Variants in RANBP3L observed in about 807,000 individuals in gnomAD.
The protein encoded by RANBP3L is RAN binding protein 3 like, also known as ran-binding protein 3-like.
Under a neutral mutation model 67.2 loss-of-function variants are expected in RANBP3L, and 56 were observed. The observed-to-expected ratio is 0.83, with a 90% CI of 0.67 to 1.04. RANBP3L has a LOEUF of 1.04. Among genes scored for constraint, RANBP3L ranks in the 50% least tolerant of loss-of-function variants. The pLI is 0.00. For missense variants in RANBP3L, 496 were observed against 535.5 expected, an observed-to-expected ratio of 0.93 and a Z score of 0.73; for synonymous variants, 164 against 181.4, an observed-to-expected ratio of 0.90 and a Z score of 0.77.
At chr5:36,269,849 A>G (rs1362000372) in intron 3 of RANBP3L, 102 bp downstream of exon 3, 4 of 985,086 alleles carry the variant, frequency 4.1e-6, no homozygotes, top group African/African-American at 1.6e-5. Flanking sequence ...AAAAGAAAAA[A>G]CATTAACTTT....
rs1046284073 is a variant in RANBP3L, at chr5:36,255,044, C to T, written c.1024+426G>A. On this transcript the variant is annotated intron_variant, in intron 11 of 13. Transcript: ENST00000296604. ...GGACAAGTATTTTCTTTTAGAAGAT[C>T]TTTTCACTTCACAAAATAATTTGCA... Among the ~76,000 whole-genome samples, 3 of 152,180 alleles carry T rather than the reference C, an allele frequency of 2.0e-5. No homozygotes were observed. In the South Asian group the frequency reaches 6.2e-4, roughly 32 times the overall value.
At chr5:36,268,348 A>G in intron 4 of RANBP3L, 1 of 906,406 alleles carries the variant, frequency 1.1e-6, no homozygotes, top group Non-Finnish European at 1.6e-6. Context: ...CTGTTTTGGA[A>G]AAATTTCTGT....
intron 8 of RANBP3L, among the ~76,000 whole-genome samples, chr5:36,259,123 A>G (rs936604243): frequency 6.6e-6 from 1 of 152,236 alleles, no homozygotes; most frequent in Non-Finnish European, 1.5e-5. Flanking sequence ...ATGTGCCTAA[A>G]TATACTGCCT....
intron 1 of RANBP3L, among the ~76,000 whole-genome samples, chr5:36,290,071 G>A (rs1167721064): frequency 6.6e-6 from 1 of 152,086 alleles, no homozygotes; most frequent in African/African-American, 2.4e-5. Flanking sequence ...CAAATCCCTT[G>A]AGTTTTTATA....
At chr5:36,289,108 G>T (rs928085393) in intron 1 of RANBP3L, among the ~76,000 whole-genome samples, 1 of 151,888 alleles carries the variant, frequency 6.6e-6, no homozygotes, top group Non-Finnish European at 1.5e-5. Context: ...TGTGAGGTAG[G>T]TATTGTGGTT....
intron 1 of RANBP3L, among the ~76,000 whole-genome samples, chr5:36,294,899 ATGT>A (rs1196307129): frequency 6.7e-6 from 1 of 148,442 alleles, no homozygotes; most frequent in Admixed American, 6.8e-5. Flanking sequence ...ATATACATAT[ATGT>A]GTGTATATAT....
chr5:36,254,497 T>A (rs1295150873), intron 11 of RANBP3L, among the ~76,000 whole-genome samples: 1 of 152,062 alleles, frequency 6.6e-6, no homozygotes, highest in African/African-American at 2.4e-5. Context: ...TTTTTGTTTT[T>A]CTTTGGGGGT....
chr5:36,276,471 T>C (rs764404547), intron 1 of RANBP3L, among the ~76,000 whole-genome samples: 87 of 142,208 alleles, frequency 6.1e-4, no homozygotes, highest in Non-Finnish European at 1.2e-3. Context: ...GAAAATTAAA[T>C]TTTATCATAG....
chr5:36,287,573 A>G (rs941255338), intron 1 of RANBP3L, among the ~76,000 whole-genome samples: 2 of 152,222 alleles, frequency 1.3e-5, no homozygotes, highest in Non-Finnish European at 2.9e-5. Flanking sequence ...CTTTAAAACA[A>G]TACAACACTG....
rs1386599206 is a variant in RANBP3L at position 36,253,663 on chromosome 5, T to C, written c.1151A>G (p.Lys384Arg). ...TATDLEDYSI[K>R]IFLIQASAQD... Reference sequence around the variant, plus strand: ...CTCCCTTACCTGAATTAAAAATATTTTGATGCTATAGTCTTCTAAATCAGT... The same window carrying C: ...CTCCCTTACCTGAATTAAAAATATTCTGATGCTATAGTCTTCTAAATCAGT... Residue 384 changes from lysine (K) to arginine (R), a missense_variant, in exon 12 of 14, where the codon AAA becomes AGA. Physicochemically the swap from Lys to Arg is conservative, Grantham distance 26. Coordinates refer to ENST00000296604, the MANE Select transcript of RANBP3L (RefSeq NM_145000.5). 1 of 1,606,570 alleles carries C rather than the reference T, an allele frequency of 6.2e-7. No individual in the cohort carries two copies. The highest frequency in any genetic ancestry group is 1.7e-5 in the Admixed American group (1 of 59,908).
chr5:36,268,275 C>T (rs746699248), intron 4 of RANBP3L: 43 of 1,519,630 alleles, frequency 2.8e-5, no homozygotes, highest in Non-Finnish European at 3.5e-5. Flanking sequence ...ACACTAAAAG[C>T]AGATTGCAAA....
At position 36,251,294 on chromosome 5, in the gene RANBP3L, C is replaced by A; in HGVS notation, c.1354+19G>T. On this transcript the variant is annotated intron_variant, in intron 13 of 13. Coordinates refer to ENST00000296604, the MANE Select transcript of RANBP3L (RefSeq NM_145000.5). ...ATTCTTTTTTAAACCTCTGAACTAA[C>A]AAAACAAAAGCTATTTACCTGATCC... 1 of 1,597,120 alleles carries A rather than the reference C, an allele frequency of 6.3e-7. No homozygotes were observed.
At chr5:36,272,142 A>G (rs917636111) in intron 1 of RANBP3L, among the ~76,000 whole-genome samples, 10 of 152,156 alleles carry the variant, frequency 6.6e-5, no homozygotes, top group African/African-American at 2.4e-4. Flanking sequence ...AAAAAAATCA[A>G]GATTAAAGCA....
intron 11 of RANBP3L, among the ~76,000 whole-genome samples, chr5:36,254,489 T>A (rs1748825534): frequency 6.6e-6 from 1 of 152,038 alleles, no homozygotes; most frequent in South Asian, 2.1e-4. Flanking sequence ...TTTTTTGTTT[T>A]TTGTTTTTCT....
intron 9 of RANBP3L, among the ~76,000 whole-genome samples, 173 bp downstream of exon 9, chr5:36,257,281 A>C (rs1749052024): frequency 6.6e-6 from 1 of 152,072 alleles, no homozygotes; most frequent in Non-Finnish European, 1.5e-5. Context: ...TATATCAGAT[A>C]ATCATATTTA....
chr5:36,288,805 A>G lies in RANBP3L; in HGVS notation c.91+12521T>C, dbSNP rs73081959. Among the ~76,000 whole-genome samples the G allele has an allele frequency of 1.1e-3, 165 of 152,090 alleles. 1 individual carries two copies. The highest frequency in any genetic ancestry group is 3.7e-3 in the African/African-American group (153 of 41,496). On this transcript the variant is annotated intron_variant, in intron 1 of 13. Transcript: ENST00000296604. Reference sequence around the variant, plus strand: ...TTTGCCAGATCTTTTGCCCATTTTTAAATCAAATTGTTTATCATGAGCTGT... The same window carrying G: ...TTTGCCAGATCTTTTGCCCATTTTTGAATCAAATTGTTTATCATGAGCTGT...
chr5:36,267,976 AC>A (rs1749930289), intron 4 of RANBP3L, among the ~76,000 whole-genome samples: 1 of 152,238 alleles, frequency 6.6e-6, no homozygotes, highest in African/African-American at 2.4e-5. Context: ...TCCTAAAAAA[AC>A]ATGAAGTTCA....
rs201315536 is a variant in RANBP3L at position 36,295,862 on chromosome 5, CAT to C, written c.91+5462_91+5463del. ...GGGCTGTCACATCAAAAAGCCCAAA[CAT>C]GTGATTAGAGATTGGAAATTTCAAA... On this transcript the variant is annotated intron_variant, in intron 1 of 13. Transcript: ENST00000296604. 5.7e-3 allele frequency among the ~76,000 whole-genome samples: 866 copies of C among 152,140 alleles called. 5 individuals carry two copies. The highest frequency in any genetic ancestry group is 0.024 in the Middle Eastern group (7 of 294).
chr5:36,260,421 T>C (rs1749296931), intron 8 of RANBP3L, among the ~76,000 whole-genome samples: 1 of 148,030 alleles, frequency 6.8e-6, no homozygotes, highest in South Asian at 2.1e-4. Flanking sequence ...TGTTACAAAA[T>C]GATGACATCG....
Sources: gnomAD v4.1 joint callset for allele counts (sites outside exome capture counted in the v4.1 genomes callset) on GRCh38, gnomAD v4.1.1 for gene constraint, MANE v1.5 for transcripts, NCBI Gene and HGNC (gene_info 2026-07-23, HGNC 2026-07-21) for gene names.